Variants in TEAD4 observed in about 807,000 individuals in gnomAD.
The protein encoded by TEAD4 is TEA domain transcription factor 4.
In TEAD4, 36 loss-of-function variants were observed where a neutral mutation model predicts 52.4. That is an observed-to-expected ratio of 0.69 (90% CI 0.53 to 0.91). TEAD4 has a LOEUF of 0.91. TEAD4 is among the 40% of genes least tolerant of loss of function. The probability of loss-of-function intolerance (pLI) is 0.00; values close to 1 mark genes in which losing one functional copy is unlikely to be tolerated. For synonymous variants in TEAD4, 220 were observed against 231.0 expected (o/e 0.95, Z 0.43); for missense variants, 508 against 583.9 (o/e 0.87, Z 1.34).
intron 2 of TEAD4, among the ~76,000 whole-genome samples, chr12:2,966,281 T>G (rs2098220144): frequency 1.3e-5 from 2 of 152,282 alleles, no homozygotes; most frequent in Non-Finnish European, 2.9e-5. Flanking sequence ...ACTCCTGAGC[T>G]TGTGTTACTG....
At chr12:2,960,211 C>T in intron 2 of TEAD4, 171 bp downstream of exon 2, 1 of 848,442 alleles carries the variant, frequency 1.2e-6, no homozygotes, top group Non-Finnish European at 1.4e-6. Flanking sequence ...GGGGGGTGGA[C>T]ACTCGGGACT....
At position 3,012,120 on chromosome 12, in the gene TEAD4, A is replaced by T. The variant is rs200268351; in HGVS notation, c.292-50A>T. The stretch of plus-strand genomic sequence containing the variant: ...CGAGAGTCAGGAAGCCAGGCTGGGG[A>T]ACACAGGTTGTTGGGAGGTAGAGAC... On this transcript the variant is annotated intron_variant, in intron 4 of 12. Transcript: ENST00000359864. The T allele has an allele frequency of 3.1e-5, 49 of 1,601,316 alleles. No homozygotes were observed. In the African/African-American group the frequency reaches 5.9e-4, roughly 19 times the overall value.
At chr12:3,000,396 A>G (rs548551661) in intron 3 of TEAD4, among the ~76,000 whole-genome samples, 1 of 152,242 alleles carries the variant, frequency 6.6e-6, no homozygotes, top group South Asian at 2.1e-4. Context: ...TGCTGGAGGG[A>G]ACTCTGCAGA....
At chr12:2,990,286 A>G (rs1421018578) in intron 2 of TEAD4, among the ~76,000 whole-genome samples, 2 of 152,132 alleles carry the variant, frequency 1.3e-5, no homozygotes, top group Non-Finnish European at 2.9e-5. Context: ...ATTTAAACAT[A>G]ATCTCTTCAG....
chr12:3,011,206 C>A, intron 4 of TEAD4, 138 bp downstream of exon 4: 1 of 774,456 alleles, frequency 1.3e-6, no homozygotes, highest in Non-Finnish European at 2.1e-6. Context: ...CCCTGTTGGG[C>A]GTGTCACAGG....
chr12:2,999,700 C>A (rs895888621), intron 3 of TEAD4, among the ~76,000 whole-genome samples: 1 of 151,976 alleles, frequency 6.6e-6, no homozygotes, highest in Non-Finnish European at 1.5e-5. Flanking sequence ...ACAGCCAACG[C>A]TGGCCACCCT....
rs903771490 is a variant in TEAD4, at chr12:2,972,752, C to T, written c.-30+12712C>T. Among the ~76,000 whole-genome samples the T allele has an allele frequency of 2.6e-5, 4 of 152,098 alleles. 1 individual carries two copies. Among genetic ancestry groups the T allele is most frequent in the South Asian group, 4.1e-4 (2 of 4,830 alleles). ...CTGACCTCAGGTGATCCGCCCGCCTCGGCCTCCCAAAGTGCTGGGATTACA... is the reference window on the plus strand; with the variant it reads ...CTGACCTCAGGTGATCCGCCCGCCTTGGCCTCCCAAAGTGCTGGGATTACA... On this transcript the variant is annotated intron_variant, in intron 2 of 12. Transcript: ENST00000359864.
intron 10 of TEAD4, among the ~76,000 whole-genome samples, chr12:3,022,872 C>G (rs1233896541): frequency 6.6e-6 from 1 of 152,186 alleles, no homozygotes; most frequent in Non-Finnish European, 1.5e-5. Flanking sequence ...TCCCCACTCC[C>G]CTTCAGCTCT....
intron 2 of TEAD4, among the ~76,000 whole-genome samples, chr12:2,990,114 G>T (rs2098241815): frequency 2.0e-5 from 3 of 152,106 alleles, no homozygotes; most frequent in Non-Finnish European, 4.4e-5. Context: ...TCTTTATCTA[G>T]CTGTATCTAA....
intron 2 of TEAD4, among the ~76,000 whole-genome samples, chr12:2,966,073 T>C (rs2098220007): frequency 6.6e-6 from 1 of 152,116 alleles, no homozygotes; most frequent in Non-Finnish European, 1.5e-5. Context: ...GAAAATGAAG[T>C]GAGATACCTA....
At chr12:2,962,288 A>G (rs1260172990) in intron 2 of TEAD4, among the ~76,000 whole-genome samples, 2 of 130,788 alleles carry the variant, frequency 1.5e-5, no homozygotes, top group Admixed American at 8.6e-5. Flanking sequence ...ATATATATTT[A>G]TTTATATATA....
intron 7 of TEAD4, 127 bp downstream of exon 7, chr12:3,018,715 G>T: frequency 8.6e-7 from 1 of 1,164,408 alleles, no homozygotes; most frequent in South Asian, 1.3e-5. Context: ...CTTTCAGGAT[G>T]GCTCTGAGCT....
intron 10 of TEAD4, among the ~76,000 whole-genome samples, chr12:3,036,404 G>A (rs1424149194): frequency 6.6e-6 from 1 of 152,110 alleles, no homozygotes; most frequent in East Asian, 1.9e-4. Flanking sequence ...GTCCTGCTCT[G>A]GGAAAACTTC....
intron 3 of TEAD4, among the ~76,000 whole-genome samples, chr12:3,005,117 A>G (rs899448195): frequency 9.2e-5 from 14 of 152,356 alleles, no homozygotes; most frequent in African/African-American, 3.4e-4. Flanking sequence ...TACCAGACGC[A>G]GAAGGACAAA....
At chr12:3,016,807 C>A (rs1190255054) in intron 5 of TEAD4, among the ~76,000 whole-genome samples, 1 of 152,062 alleles carries the variant, frequency 6.6e-6, no homozygotes, top group African/African-American at 2.4e-5. Context: ...TTGTTCCGGG[C>A]CTATTCAGGG....
intron 10 of TEAD4, 80 bp downstream of exon 10, chr12:3,022,097 G>A: frequency 1.3e-6 from 2 of 1,548,020 alleles, no homozygotes; most frequent in South Asian, 2.5e-5. Flanking sequence ...CCCAGAGTGT[G>A]CCCTTGTCAC....
At chr12:2,999,503 A>G (rs899631148) in intron 3 of TEAD4, among the ~76,000 whole-genome samples, 1 of 152,224 alleles carries the variant, frequency 6.6e-6, no homozygotes, top group Non-Finnish European at 1.5e-5. Flanking sequence ...TGCAGATGAC[A>G]TGCAAAGCAG....
At chr12:3,037,894 T>G (rs1213759391) in intron 10 of TEAD4, 74 bp from the exon 11 acceptor site, 4 of 1,546,550 alleles carry the variant, frequency 2.6e-6, no homozygotes, top group Non-Finnish European at 3.5e-6. Flanking sequence ...ACCGGGACCC[T>G]GAGGTCTCCT....
At chr12:3,022,534 A>T (rs184584947) in intron 10 of TEAD4, among the ~76,000 whole-genome samples, 2 of 152,284 alleles carry the variant, frequency 1.3e-5, no homozygotes, top group South Asian at 4.1e-4. Flanking sequence ...GCCACCCCAC[A>T]AGAAACACCC....
Sources: gnomAD v4.1 joint callset for allele counts (sites outside exome capture counted in the v4.1 genomes callset) on GRCh38, gnomAD v4.1.1 for gene constraint, MANE v1.5 for transcripts, NCBI Gene and HGNC (gene_info 2026-07-23, HGNC 2026-07-21) for gene names.